MATCAP2: variants seen among roughly 807,000 people sequenced by gnomAD.
The protein encoded by MATCAP2 is microtubule associated tyrosine carboxypeptidase 2.
At chr7:36,327,283 C>T in the MATCAP2 span, among the ~76,000 whole-genome samples, 38 of 152,146 alleles carry the variant, frequency 2.5e-4, no homozygotes, top group African/African-American at 4.6e-4. Flanking sequence ...GGATTACAGG[C>T]GCCCGCCACC....
the MATCAP2 span, among the ~76,000 whole-genome samples, chr7:36,385,471 C>T: frequency 2.0e-5 from 3 of 151,978 alleles, no homozygotes; most frequent in Admixed American, 6.6e-5. Context: ...GAATAGAGTC[C>T]GACATAGACC....
the MATCAP2 span, among the ~76,000 whole-genome samples, chr7:36,336,664 G>A: frequency 4.0e-4 from 60 of 151,884 alleles, no homozygotes; most frequent in African/African-American, 1.3e-3. Context: ...AGAGTGGAAG[G>A]TATGTCTCCA....
chr7:36,347,084 AG>A, the MATCAP2 span, among the ~76,000 whole-genome samples: 1 of 152,044 alleles, frequency 6.6e-6, no homozygotes, highest in South Asian at 2.1e-4. Context: ...GATTTTTTTT[AG>A]TTTAGTTTTA....
the MATCAP2 span, among the ~76,000 whole-genome samples, chr7:36,361,209 G>T: frequency 6.6e-6 from 1 of 152,132 alleles, no homozygotes; most frequent in African/African-American, 2.4e-5. Context: ...CTCTTTCAAT[G>T]ACCTCTCTGT....
At chr7:36,334,201 A>G in the MATCAP2 span, 3 of 1,492,966 alleles carry the variant, frequency 2.0e-6, no homozygotes, top group Non-Finnish European at 2.7e-6. Flanking sequence ...AAGAAATGCC[A>G]TTCTTGTTTT....
the MATCAP2 span, among the ~76,000 whole-genome samples, chr7:36,333,270 A>G: frequency 6.6e-6 from 1 of 152,198 alleles, no homozygotes; most frequent in East Asian, 1.9e-4. Context: ...AAAAAATCAC[A>G]TATTAGATAA....
chr7:36,347,661 A>C, the MATCAP2 span, among the ~76,000 whole-genome samples: 2 of 152,230 alleles, frequency 1.3e-5, no homozygotes, highest in Non-Finnish European at 2.9e-5. Context: ...CTTATTTCCC[A>C]TATGACTGTA....
chr7:36,364,263 T>A, the MATCAP2 span, among the ~76,000 whole-genome samples: 2 of 152,106 alleles, frequency 1.3e-5, no homozygotes, highest in Non-Finnish European at 2.9e-5. Context: ...AATTTTTTAA[T>A]TTTTTGTAGA....
chr7:36,375,010 G>A, the MATCAP2 span, among the ~76,000 whole-genome samples: 1 of 152,208 alleles, frequency 6.6e-6, no homozygotes, highest in African/African-American at 2.4e-5. Flanking sequence ...ACGTGTGCAT[G>A]TGTCTTTATA....
chr7:36,348,125 G>A, the MATCAP2 span, among the ~76,000 whole-genome samples: 2 of 152,096 alleles, frequency 1.3e-5, no homozygotes, highest in African/African-American at 4.8e-5. Context: ...GTCCGAAAAT[G>A]GTTACTTCAG....
At chr7:36,330,932 G>A in the MATCAP2 span, 3 of 1,037,446 alleles carry the variant, frequency 2.9e-6, no homozygotes, top group Middle Eastern at 2.1e-4. Flanking sequence ...TGAGTGAGGG[G>A]AATGCTGATC....
chr7:36,385,297 C>A, the MATCAP2 span, among the ~76,000 whole-genome samples: 1 of 152,138 alleles, frequency 6.6e-6, no homozygotes, highest in Non-Finnish European at 1.5e-5. Flanking sequence ...AGAGGATTTT[C>A]TTTTCTTTTC....
the MATCAP2 span, among the ~76,000 whole-genome samples, chr7:36,372,774 A>G: frequency 6.6e-6 from 1 of 152,224 alleles, no homozygotes; most frequent in Non-Finnish European, 1.5e-5. Flanking sequence ...TATGAAACCT[A>G]CCTTCAAAGA....
At chr7:36,356,955 G>A in the MATCAP2 span, 6 of 1,614,098 alleles carry the variant, frequency 3.7e-6, no homozygotes, top group African/African-American at 5.3e-5. Flanking sequence ...ACGCTTGGCA[G>A]AGCAGGATTG....
the MATCAP2 span, among the ~76,000 whole-genome samples, chr7:36,358,250 T>C: frequency 6.6e-6 from 1 of 151,978 alleles, no homozygotes; most frequent in Admixed American, 6.6e-5. Flanking sequence ...TAAAATAGTA[T>C]TTTCTATAAT....
At chr7:36,356,580 CTT>C in the MATCAP2 span, 1 of 509,432 alleles carries the variant, frequency 2.0e-6, no homozygotes, top group East Asian at 3.2e-5. Flanking sequence ...CTACCCAACA[CTT>C]GTCTGTAGGC....
At chr7:36,366,318 T>C in the MATCAP2 span, among the ~76,000 whole-genome samples, 1 of 152,198 alleles carries the variant, frequency 6.6e-6, no homozygotes, top group African/African-American at 2.4e-5. Context: ...TCAAGTTCTG[T>C]GCTCCCAGAG....
At chr7:36,374,404 G>A in the MATCAP2 span, among the ~76,000 whole-genome samples, 1 of 152,172 alleles carries the variant, frequency 6.6e-6, no homozygotes, top group Non-Finnish European at 1.5e-5. Flanking sequence ...AAATAGTGCA[G>A]TGACATGACA....
chr7:36,381,573 A>G, the MATCAP2 span, among the ~76,000 whole-genome samples: 7 of 151,034 alleles, frequency 4.6e-5, no homozygotes, highest in South Asian at 4.2e-4. Context: ...TGGGAGGCTG[A>G]GGCAGGAGAA....
Sources: allele counts gnomAD v4.1 joint callset (sites outside exome capture counted in the v4.1 genomes callset), GRCh38; gene constraint gnomAD v4.1.1; transcripts MANE v1.5; gene names NCBI Gene and HGNC (gene_info 2026-07-23, HGNC 2026-07-21).